The following SH3RF1 variants were observed in gnomAD, a reference collection of about 807,000 sequenced individuals.
SH3RF1 encodes SH3 domain containing ring finger 1, also known as E3 ubiquitin-protein ligase SH3RF1.
Under a neutral mutation model 74.0 loss-of-function variants are expected in SH3RF1, and 32 were observed. That is an observed-to-expected ratio of 0.43 (90% confidence interval 0.33 to 0.58). The LOEUF (loss-of-function observed/expected upper bound fraction) is 0.58. Ranked by LOEUF, SH3RF1 falls within the 20% of genes least tolerant of loss-of-function variation. SH3RF1 has a pLI of 0.05. For missense variants in SH3RF1, 954 were observed against 1,130.9 expected (o/e 0.84, Z 2.24); for synonymous variants, 396 against 439.6 (o/e 0.90, Z 1.24).
intron 4 of SH3RF1, among the ~76,000 whole-genome samples, 170 bp downstream of exon 4, chr4:169,155,310 A>G (rs1271488798): frequency 2.0e-5 from 3 of 152,202 alleles, no homozygotes; most frequent in Non-Finnish European, 4.4e-5. Context: ...ACTGTCTTCA[A>G]TAATTGTTGG....
At chr4:169,229,771 T>C (rs941483324) in intron 2 of SH3RF1, among the ~76,000 whole-genome samples, 12 of 152,204 alleles carry the variant, frequency 7.9e-5, no homozygotes, top group Admixed American at 1.3e-4. Flanking sequence ...CCTGAGAGTA[T>C]ACGACGGATG....
At chr4:169,153,236 C>T (rs1734001469) in intron 4 of SH3RF1, among the ~76,000 whole-genome samples, 1 of 152,138 alleles carries the variant, frequency 6.6e-6, no homozygotes, top group African/African-American at 2.4e-5. Context: ...ATGCATAAGA[C>T]ATAGTGGTGT....
At chr4:169,252,319 T>C (rs1018506595) in intron 2 of SH3RF1, among the ~76,000 whole-genome samples, 4 of 152,246 alleles carry the variant, frequency 2.6e-5, no homozygotes, top group African/African-American at 9.6e-5. Flanking sequence ...TTCAAGATTA[T>C]AAAATATCTT....
At chr4:169,176,131 T>C (rs1734417716) in intron 2 of SH3RF1, among the ~76,000 whole-genome samples, 1 of 152,200 alleles carries the variant, frequency 6.6e-6, no homozygotes, top group African/African-American at 2.4e-5. Context: ...GAGCTTGGAC[T>C]TTCCAGCGTC....
chr4:169,195,730 T>C (rs1579131214), intron 2 of SH3RF1, among the ~76,000 whole-genome samples: 1 of 152,222 alleles, frequency 6.6e-6, no homozygotes, highest in East Asian at 1.9e-4. Flanking sequence ...TGTAGTGAGT[T>C]GTTTATTTTG....
At chr4:169,245,720 C>T (rs903731620) in intron 2 of SH3RF1, among the ~76,000 whole-genome samples, 4 of 152,074 alleles carry the variant, frequency 2.6e-5, no homozygotes, top group South Asian at 4.2e-4. Context: ...ATCCGTATGG[C>T]GGTGGTAGGT....
intron 2 of SH3RF1, among the ~76,000 whole-genome samples, chr4:169,267,166 T>C (rs1731367706): frequency 6.6e-6 from 1 of 152,186 alleles, no homozygotes; most frequent in Non-Finnish European, 1.5e-5. Flanking sequence ...GCAAGAAAAC[T>C]TAAAATTCAA....
chr4:169,222,459 C>A (rs770613716), intron 2 of SH3RF1, among the ~76,000 whole-genome samples: 2 of 150,574 alleles, frequency 1.3e-5, no homozygotes, highest in Admixed American at 1.3e-4. Context: ...AGCTGAGACT[C>A]GGTCTAAAAA....
At chr4:169,182,923 T>C (rs1157544114) in intron 2 of SH3RF1, among the ~76,000 whole-genome samples, 1 of 152,104 alleles carries the variant, frequency 6.6e-6, no homozygotes, top group Non-Finnish European at 1.5e-5. Context: ...AGTTGAAGAC[T>C]TCCCAAAACT....
intron 2 of SH3RF1, among the ~76,000 whole-genome samples, chr4:169,211,233 A>C (rs1461653087): frequency 6.6e-6 from 1 of 152,080 alleles, no homozygotes; most frequent in Non-Finnish European, 1.5e-5. Context: ...CTGTAATCCC[A>C]GCACTTTGGG....
At chr4:169,179,052 G>C (rs933179826) in intron 2 of SH3RF1, among the ~76,000 whole-genome samples, 1 of 152,158 alleles carries the variant, frequency 6.6e-6, no homozygotes, top group African/African-American at 2.4e-5. Context: ...TGAACCCCAT[G>C]AATCTGTTGC....
intron 2 of SH3RF1, among the ~76,000 whole-genome samples, chr4:169,247,673 C>T (rs1020694053): frequency 4.6e-5 from 7 of 152,156 alleles, no homozygotes; most frequent in African/African-American, 7.2e-5. Flanking sequence ...GTGGATCTTG[C>T]GATCTGAGTC....
intron 2 of SH3RF1, among the ~76,000 whole-genome samples, chr4:169,262,509 G>A (rs943406960): frequency 6.6e-6 from 1 of 152,070 alleles, no homozygotes; most frequent in East Asian, 1.9e-4. Flanking sequence ...TCTACTAAAA[G>A]TACAAAAATT....
In SH3RF1 at chr4:169,112,629, G is replaced by A. The variant is rs534143289; in HGVS notation, c.2139+3640C>T. On this transcript the variant is annotated intron_variant, in intron 10 of 11. Transcript: ENST00000284637. Reference sequence around the variant, plus strand: ...AAAGGTACTGATGTGATCTCCCAGGGAGCAGCCTAATGGCTCAAATTTTTA... The same window carrying A: ...AAAGGTACTGATGTGATCTCCCAGGAAGCAGCCTAATGGCTCAAATTTTTA... Among the ~76,000 whole-genome samples, 46 of 152,228 alleles carry A rather than the reference G, an allele frequency of 3.0e-4. 1 individual carries two copies. In the South Asian group the frequency reaches 9.5e-3, roughly 32 times the overall value.
At chr4:169,132,037 TC>T (rs1236720114) in intron 5 of SH3RF1, among the ~76,000 whole-genome samples, 1 of 152,234 alleles carries the variant, frequency 6.6e-6, no homozygotes, top group Non-Finnish European at 1.5e-5. Context: ...CTCGGGCTGC[TC>T]CCACACTGGC....
At chr4:169,209,280 C>A (rs1183989263) in intron 2 of SH3RF1, among the ~76,000 whole-genome samples, 1 of 150,492 alleles carries the variant, frequency 6.6e-6, no homozygotes, top group African/African-American at 2.4e-5. Context: ...CAGAACAAGA[C>A]CCTGTCCGAA....
intron 2 of SH3RF1, among the ~76,000 whole-genome samples, chr4:169,241,570 G>GAACTCCGC (rs1554010525): frequency 1.3e-5 from 2 of 150,938 alleles, no homozygotes; most frequent in Non-Finnish European, 3.0e-5. Context: ...CAGCACTCCT[G>GAACTCCGC]AACTCCACCA....
intron 2 of SH3RF1, among the ~76,000 whole-genome samples, chr4:169,204,342 T>C (rs1020985081): frequency 1.3e-5 from 2 of 152,128 alleles, no homozygotes; most frequent in African/African-American, 4.8e-5. Context: ...CTATTCTCTG[T>C]CAAAGGTTTT....
At chr4:169,178,573 T>TG (rs1305458320) in intron 2 of SH3RF1, among the ~76,000 whole-genome samples, 1 of 152,076 alleles carries the variant, frequency 6.6e-6, no homozygotes, top group South Asian at 2.1e-4. Flanking sequence ...TGACATACTG[T>TG]GGGGGCAAGA....
Sources: allele counts gnomAD v4.1 joint callset (sites outside exome capture counted in the v4.1 genomes callset), GRCh38; gene constraint gnomAD v4.1.1; transcripts MANE v1.5; gene names NCBI Gene and HGNC (gene_info 2026-07-23, HGNC 2026-07-21).